The following NCOA6 variants were observed in gnomAD, a reference collection of about 807,000 sequenced individuals.
The protein encoded by NCOA6 is nuclear receptor coactivator 6, also known as NRC RAP250.
A neutral mutation model predicts 171.4 loss-of-function variants in NCOA6; 49 were observed. The observed-to-expected ratio is 0.29, with a 90% CI of 0.23 to 0.36. The LOEUF (loss-of-function observed/expected upper bound fraction) is 0.36. NCOA6 is among the 10% of genes least tolerant of loss of function. NCOA6 has a pLI of 1.00. For missense variants in NCOA6, 2,248 were observed against 2,554.5 expected, an observed-to-expected ratio of 0.88 and a Z score of 2.59; for synonymous variants, 910 against 927.5, an observed-to-expected ratio of 0.98 and a Z score of 0.34.
At chr20:34,768,729 G>A in intron 4 of NCOA6, 143 bp from the exon 5 acceptor site, 1 of 865,958 alleles carries the variant, frequency 1.2e-6, no homozygotes, top group Non-Finnish European at 1.7e-6. Flanking sequence ...TGGGTTCAAT[G>A]TAGATGGGTC....
intron 1 of NCOA6, chr20:34,809,316 A>G: frequency 2.5e-6 from 1 of 394,274 alleles, no homozygotes; most frequent in Non-Finnish European, 4.5e-6. Context: ...GCAGCTTGCC[A>G]AAGTAAAATA....
intron 13 of NCOA6, among the ~76,000 whole-genome samples, chr20:34,731,865 A>G (rs1341002948): frequency 6.6e-6 from 1 of 152,196 alleles, no homozygotes; most frequent in Non-Finnish European, 1.5e-5. Context: ...TACTAAAAAT[A>G]CAAAAATTAG....
intron 4 of NCOA6, among the ~76,000 whole-genome samples, chr20:34,771,302 T>C (rs2146013348): frequency 6.6e-6 from 1 of 152,072 alleles, no homozygotes; most frequent in Non-Finnish European, 1.5e-5. Context: ...TTATTTTAAA[T>C]TTTAAATTTT....
intron 1 of NCOA6, among the ~76,000 whole-genome samples, chr20:34,807,055 C>A (rs555586821): frequency 2.0e-5 from 3 of 152,142 alleles, no homozygotes; most frequent in Non-Finnish European, 4.4e-5. Flanking sequence ...TTCTAACTAA[C>A]GGACTATGGA....
chr20:34,767,337 C>T (rs1035044121), intron 5 of NCOA6, among the ~76,000 whole-genome samples: 2 of 152,058 alleles, frequency 1.3e-5, no homozygotes, highest in Non-Finnish European at 2.9e-5. Flanking sequence ...CACTCTGTTG[C>T]CCAGGCTGGA....
chr20:34,756,700 A>G (rs192695312), intron 7 of NCOA6, among the ~76,000 whole-genome samples: 1 of 152,324 alleles, frequency 6.6e-6, no homozygotes, highest in Admixed American at 6.5e-5. Flanking sequence ...TGGCATTATA[A>G]AACTATAAAA....
rs35455045 is a variant in NCOA6, at chr20:34,823,256, G to A, written c.-164+2216C>T. On this transcript the variant is annotated intron_variant, in intron 1 of 14. Transcript: ENST00000359003. Reference sequence around the variant, plus strand: ...GAATAGGCTGGGCGCGGTGGCTCACGCCTGTAATCCCAGCACTTTGGGAGG... The same window carrying A: ...GAATAGGCTGGGCGCGGTGGCTCACACCTGTAATCCCAGCACTTTGGGAGG... 2.0e-5 allele frequency among the ~76,000 whole-genome samples: 3 copies of A among 152,104 alleles called. No homozygotes were observed. The East Asian group carries it at 5.8e-4, about 29-fold the overall frequency.
chr20:34,742,153 A>C lies in NCOA6; in HGVS notation c.4103T>G (p.Val1368Gly), dbSNP rs1568747807. Reference sequence around the variant, plus strand: ...GACCAATACATTTCTCGGCAACTCCACATTCTGCAATAGGGCTGCATTTGT... The same window carrying C: ...GACCAATACATTTCTCGGCAACTCCCCATTCTGCAATAGGGCTGCATTTGT... ...SQTNAALLQN[V>G]ELPRNVLVSP... Residue 1368 changes from valine (V) to glycine (G), a missense_variant, in exon 11 of 15, where the codon GTG (valine) becomes GGG (glycine). Val to Gly is a moderately radical substitution (Grantham distance 109). Transcript: ENST00000359003. 1 of 1,614,106 alleles carries C rather than the reference A, an allele frequency of 6.2e-7. No individual in the cohort carries two copies. Among genetic ancestry groups the C allele is most frequent in the Non-Finnish European group, 8.5e-7 (1 of 1,180,048 alleles).
At position 34,757,466 on chromosome 20, in the gene NCOA6, G is replaced by C. The variant is rs1212863167; in HGVS notation, c.1282C>G (p.Pro428Ala). 1.2e-6 allele frequency: 2 copies of C among 1,613,846 alleles called. No homozygotes were observed. The highest frequency in any genetic ancestry group is 1.7e-6 in the Non-Finnish European group (2 of 1,179,888). ...LQQPHLTNKS[P>A]ASSPSSFQQG... Reference sequence around the variant, plus strand: ...TGGAAGGAGGAGGGTGAGGAGGCAGGAGACTTGTTGGTGAGGTGGGGCTGC... The same window carrying C: ...TGGAAGGAGGAGGGTGAGGAGGCAGCAGACTTGTTGGTGAGGTGGGGCTGC... Residue 428 changes from proline to alanine, a missense_variant, in exon 7 of 15, where the codon CCT (proline) becomes GCT (alanine). Around this residue, in one of 7 missense-constraint regions of NCOA6, gnomAD observed 987 missense variants for 1,104.7 expected, o/e 0.89. Transcript: ENST00000359003.
intron 5 of NCOA6, among the ~76,000 whole-genome samples, chr20:34,764,783 C>G (rs1391618864): frequency 1.3e-5 from 2 of 151,896 alleles, no homozygotes; most frequent in African/African-American, 4.8e-5. Context: ...AGGAATCGCA[C>G]CTGGTTTTTT....
rs772548263 is a variant in NCOA6, at chr20:34,749,997, T to G, written c.2198A>C (p.Gln733Pro). The G allele has an allele frequency of 6.2e-6, 10 of 1,614,156 alleles. No individual in the cohort carries two copies. The highest frequency in any genetic ancestry group is 8.5e-6 in the Non-Finnish European group (10 of 1,180,058). Reference sequence around the variant, plus strand: ...GGCTGGTCCCGGCATGACATTGGACTGGTTCTGAGTGTTAAACTGCTGCTT... The same window carrying G: ...GGCTGGTCCCGGCATGACATTGGACGGGTTCTGAGTGTTAAACTGCTGCTT... ...GNKQQFNTQN[Q>P]SNVMPGPAQI... Residue 733 changes from glutamine to proline, a missense_variant, in exon 9 of 15, where the codon CAG becomes CCG. Gln to Pro is a moderately conservative substitution (Grantham distance 76). This residue lies in a region of NCOA6 where 987 missense variants were observed against 1,104.7 expected (regional missense o/e 0.89). Coordinates refer to ENST00000359003, the MANE Select transcript of NCOA6 (RefSeq NM_014071.5).
At chr20:34,736,890 C>A in intron 11 of NCOA6, 132 bp from the exon 12 acceptor site, 1 of 663,456 alleles carries the variant, frequency 1.5e-6, no homozygotes, top group Non-Finnish European at 2.4e-6. Flanking sequence ...AAATTGGCCT[C>A]GAAATTACAA....
Position 34,822,400 on chromosome 20 carries a change from C to T in NCOA6, c.-164+3072G>A, listed in dbSNP as rs780502571. On this transcript the variant is annotated intron_variant, in intron 1 of 14. Coordinates refer to ENST00000359003, the MANE Select transcript of NCOA6 (RefSeq NM_014071.5). ...CAGTTATTAATACATTCCCTGAAAA[C>T]GTGTCTTTACCTGAAAGGCCCTTCT... is the stretch of plus-strand genomic sequence containing the variant. Among the ~76,000 whole-genome samples, 13 of 152,262 alleles carry T rather than the reference C, an allele frequency of 8.5e-5. 1 individual carries two copies. The highest frequency in any genetic ancestry group is 5.2e-4 in the Admixed American group (8 of 15,296).
Position 34,812,859 on chromosome 20 carries a change from A to T in NCOA6, c.-164+12613T>A, listed in dbSNP as rs552277111. On this transcript the variant is annotated intron_variant, in intron 1 of 14. Transcript: ENST00000359003. ...AGGGAGACCCCACTTCTACAAAAAA[A>T]ATTTAAAAATTACGGCCGGTCACAG... 2.7e-4 allele frequency among the ~76,000 whole-genome samples: 41 copies of T among 152,152 alleles called. 1 individual carries two copies. In the South Asian group the frequency reaches 6.8e-3, roughly 25 times the overall value.
intron 14 of NCOA6, among the ~76,000 whole-genome samples, chr20:34,722,402 A>T (rs1387996209): frequency 6.6e-6 from 1 of 151,508 alleles, no homozygotes; most frequent in Non-Finnish European, 1.5e-5. Context: ...ATAAATAAAT[A>T]AAATAAAAGT....
intron 1 of NCOA6, among the ~76,000 whole-genome samples, chr20:34,811,201 G>GTATATATATGTATA (rs2078648551): frequency 1.9e-5 from 1 of 53,798 alleles, no homozygotes; most frequent in Non-Finnish European, 3.7e-5. Context: ...ACAACAACGT[G>GTATATATATGTATA]TATATATATA....
chr20:34,764,362 C>T (rs1012073976), intron 5 of NCOA6, among the ~76,000 whole-genome samples: 13 of 151,884 alleles, frequency 8.6e-5, no homozygotes, highest in Admixed American at 6.6e-5. Flanking sequence ...GCTGGGATTA[C>T]GGGTGTCAGC....
chr20:34,802,262 T>A lies in NCOA6; in HGVS notation c.-163-9699A>T, dbSNP rs181869017. ...CAGGCAGATCACCTGAGTTCAGGAGTTCAAGACCAGCCTGGCCAACATGGA... is the reference window on the plus strand; with the variant it reads ...CAGGCAGATCACCTGAGTTCAGGAGATCAAGACCAGCCTGGCCAACATGGA... On this transcript the variant is annotated intron_variant, in intron 1 of 14. Transcript: ENST00000359003. 1.8e-3 allele frequency among the ~76,000 whole-genome samples: 273 copies of A among 151,572 alleles called. 1 individual carries two copies. The highest frequency in any genetic ancestry group is 5.9e-3 in the African/African-American group (243 of 41,262).
At chr20:34,751,376 C>CAAAAAAA (rs35848122) in intron 8 of NCOA6, among the ~76,000 whole-genome samples, 3,298 of 67,834 alleles carry the variant, frequency 0.049, 263 homozygotes, top group East Asian at 0.08. Context: ...GACTCCGTCT[C>CAAAAAAA]AAAAAAAAAA....
Sources: gnomAD v4.1 joint callset for allele counts (sites outside exome capture counted in the v4.1 genomes callset) on GRCh38, gnomAD v4.1.1 for gene constraint, gnomAD v4.1.1 regional missense constraint, MANE v1.5 for transcripts, NCBI Gene and HGNC (gene_info 2026-07-23, HGNC 2026-07-21) for gene names.